The following CATSPERB variants were observed in gnomAD, a reference collection of about 807,000 sequenced individuals.
CATSPERB encodes the protein cation channel sperm-associated auxiliary subunit beta.
In CATSPERB, 93 loss-of-function variants were observed where a neutral mutation model predicts 128.3. The ratio of observed to expected loss-of-function variants is 0.72; its 90% CI spans 0.61 to 0.86. The LOEUF (loss-of-function observed/expected upper bound fraction) is 0.86. Among genes scored for constraint, CATSPERB ranks in the 40% least tolerant of loss-of-function variants. The probability of loss-of-function intolerance (pLI) is 0.00; values close to 1 mark genes in which losing one functional copy is unlikely to be tolerated. For missense variants in CATSPERB, 1,153 were observed against 1,329.5 expected, an observed-to-expected ratio of 0.87 and a Z score of 2.06; for synonymous variants, 381 against 448.8, an observed-to-expected ratio of 0.85 and a Z score of 1.91.
At chr14:91,695,030 G>A (rs61988224) in intron 7 of CATSPERB, among the ~76,000 whole-genome samples, 15,632 of 152,010 alleles carry the variant, frequency 0.1, 949 homozygotes, top group East Asian at 0.14. Flanking sequence ...GTAGAAGGAA[G>A]TGTTATTTAT....
intron 11 of CATSPERB, among the ~76,000 whole-genome samples, chr14:91,674,761 C>G (rs192741813): frequency 5.5e-4 from 84 of 152,228 alleles, no homozygotes; most frequent in African/African-American, 2.0e-3. Flanking sequence ...TTGTAAAATT[C>G]CAGAGATTAC....
At chr14:91,657,609 C>T (rs1346776591) in intron 15 of CATSPERB, among the ~76,000 whole-genome samples, 1 of 152,076 alleles carries the variant, frequency 6.6e-6, no homozygotes, top group Non-Finnish European at 1.5e-5. Flanking sequence ...AAAATATTTG[C>T]AAACTACCCA....
chr14:91,620,806 C>T (rs61988702), intron 19 of CATSPERB, among the ~76,000 whole-genome samples: 19,585 of 152,154 alleles, frequency 0.13, 1,365 homozygotes, highest in Non-Finnish European at 0.15. Context: ...AAAGTCAGTG[C>T]CTGTGTATAT....
intron 15 of CATSPERB, among the ~76,000 whole-genome samples, chr14:91,652,886 A>C (rs986976771): frequency 7.9e-5 from 12 of 152,164 alleles, no homozygotes; most frequent in Non-Finnish European, 1.6e-4. Context: ...AACCACATGG[A>C]TTAATCTTGA....
intron 22 of CATSPERB, among the ~76,000 whole-genome samples, chr14:91,607,700 G>A (rs1453954415): frequency 6.6e-6 from 1 of 152,172 alleles, no homozygotes; most frequent in East Asian, 1.9e-4. Context: ...ACGTGCACAT[G>A]TGTATGAATG....
chr14:91,707,035 A>G (rs958264607), intron 6 of CATSPERB, among the ~76,000 whole-genome samples: 3 of 152,216 alleles, frequency 2.0e-5, no homozygotes, highest in Non-Finnish European at 4.4e-5. Context: ...TCTTTTCATT[A>G]TAAAAGATAA....
chr14:91,665,640 C>T (rs574988537), intron 14 of CATSPERB, among the ~76,000 whole-genome samples: 27 of 152,180 alleles, frequency 1.8e-4, no homozygotes, highest in Non-Finnish European at 2.8e-4. Context: ...GAGGCGAAAA[C>T]GGCCAGATCA....
At chr14:91,700,336 T>C (rs566702535) in intron 7 of CATSPERB, among the ~76,000 whole-genome samples, 1 of 152,350 alleles carries the variant, frequency 6.6e-6, no homozygotes, top group South Asian at 2.1e-4. Context: ...AATTTTTCTG[T>C]CTACATTCAT....
In CATSPERB at chr14:91,730,253, G is replaced by T. The variant is rs578131783; in HGVS notation, c.1-774C>A. On this transcript the variant is annotated intron_variant, in intron 1 of 26. Transcript: ENST00000256343. ...GTGTCCTCAGAGAAGAGGAAATTTGGACATAGGCAGGGTGAAGTGAAGACA... is the reference window on the plus strand; with the variant it reads ...GTGTCCTCAGAGAAGAGGAAATTTGTACATAGGCAGGGTGAAGTGAAGACA... Among the ~76,000 whole-genome samples, 87 of 152,234 alleles carry T rather than the reference G, an allele frequency of 5.7e-4. No individual in the cohort carries two copies. The South Asian group carries it at 5.8e-3, about 10-fold the overall frequency.
intron 22 of CATSPERB, among the ~76,000 whole-genome samples, chr14:91,598,946 C>T (rs1050092320): frequency 2.6e-5 from 4 of 151,388 alleles, no homozygotes; most frequent in African/African-American, 9.7e-5. Context: ...CATTCCTGGG[C>T]ATAGGATGAA....
chr14:91,620,522 T>C (rs1324203878), intron 19 of CATSPERB, among the ~76,000 whole-genome samples: 1 of 152,182 alleles, frequency 6.6e-6, no homozygotes, highest in Non-Finnish European at 1.5e-5. Flanking sequence ...CCTCTCTTCC[T>C]ATCTCAGTTA....
At chr14:91,718,726 T>C (rs1408710604) in intron 5 of CATSPERB, among the ~76,000 whole-genome samples, 2 of 152,172 alleles carry the variant, frequency 1.3e-5, no homozygotes, top group Admixed American at 1.3e-4. Flanking sequence ...TTCTTGATGG[T>C]TTTCCATTTC....
intron 13 of CATSPERB, among the ~76,000 whole-genome samples, chr14:91,670,982 GAC>G (rs1895078764): frequency 6.6e-6 from 1 of 152,030 alleles, no homozygotes; most frequent in Non-Finnish European, 1.5e-5. Context: ...CAGCCTGGGT[GAC>G]AGGGACCCTG....
chr14:91,598,904 A>G (rs1336644419), intron 22 of CATSPERB, among the ~76,000 whole-genome samples: 1 of 151,188 alleles, frequency 6.6e-6, no homozygotes, highest in Non-Finnish European at 1.5e-5. Context: ...AACTGATTCC[A>G]TACTGCTCTT....
intron 9 of CATSPERB, among the ~76,000 whole-genome samples, chr14:91,691,861 A>G (rs1895477025): frequency 6.6e-6 from 1 of 152,066 alleles, no homozygotes; most frequent in African/African-American, 2.4e-5. Flanking sequence ...ATGCCTTTTA[A>G]TGATTTAAAT....
rs1357018294 is a variant in CATSPERB, at chr14:91,580,875, T to C, written c.*14A>G. 9 of 1,595,662 alleles carry C rather than the reference T, an allele frequency of 5.6e-6. No individual in the cohort carries two copies. The African/African-American group carries it at 1.2e-4, about 21-fold the overall frequency. On this transcript the variant is annotated 3_prime_UTR_variant, in exon 27 of 27. Transcript: ENST00000256343. ...AAAACTAGAAAATAAAGAGAAATTA[T>C]GATCACCATGTGTTCACTCTTCAGA... is the stretch of plus-strand genomic sequence containing the variant.
At chr14:91,685,256 G>A (rs1418391090) in intron 10 of CATSPERB, among the ~76,000 whole-genome samples, 1 of 152,068 alleles carries the variant, frequency 6.6e-6, no homozygotes, top group Non-Finnish European at 1.5e-5. Flanking sequence ...TATCTACATT[G>A]TGCCATGTAC....
intron 5 of CATSPERB, among the ~76,000 whole-genome samples, chr14:91,714,422 T>C (rs1895900843): frequency 6.6e-6 from 1 of 151,818 alleles, no homozygotes; most frequent in Non-Finnish European, 1.5e-5. Context: ...AACCAATAAG[T>C]GAATTTAACA....
chr14:91,617,178 C>A (rs1028248065), intron 20 of CATSPERB, among the ~76,000 whole-genome samples: 6 of 152,080 alleles, frequency 3.9e-5, no homozygotes, highest in African/African-American at 1.2e-4. Context: ...TTCTTGTTAC[C>A]TTTTTCTTTA....
Sources: gnomAD v4.1 joint callset for allele counts (sites outside exome capture counted in the v4.1 genomes callset) on GRCh38, gnomAD v4.1.1 for gene constraint, MANE v1.5 for transcripts, NCBI Gene and HGNC (gene_info 2026-07-23, HGNC 2026-07-21) for gene names.